Variants in MYO1A observed in about 807,000 individuals in gnomAD.
The protein encoded by MYO1A is unconventional myosin-Ia.
In MYO1A, 127 loss-of-function variants were observed where a neutral mutation model predicts 138.5. That is an observed-to-expected ratio of 0.92 (90% CI 0.79 to 1.06). The LOEUF is 1.06. Among genes scored for constraint, MYO1A ranks in the 50% least tolerant of loss-of-function variants. The pLI, the probability that MYO1A is intolerant of heterozygous loss-of-function variation, is 0.00. For missense variants in MYO1A, 1,211 were observed against 1,288.8 expected, an observed-to-expected ratio of 0.94 and a Z score of 0.92; for synonymous variants, 477 against 497.5, an observed-to-expected ratio of 0.96 and a Z score of 0.55.
chr12:57,038,581 G>A lies in MYO1A; in HGVS notation c.1591C>T (p.Leu531=). The change falls in exon 17 of 28, where the codon CTG becomes TTG. Residue 531 remains leucine, a synonymous_variant. Coordinates refer to ENST00000300119, the MANE Select transcript of MYO1A (RefSeq NM_005379.4). ...TGGGCCTTCCACATGGCCTGCAACA[G>A]GTCTCGGAAGAGTAGGTCATTATTC... is the stretch of plus-strand genomic sequence containing the variant. ...DKNNDLLFRD[L]LQAMWKAQHP... is the part of the protein sequence containing the mutation. 2 of 1,614,206 alleles carry A rather than the reference G, an allele frequency of 1.2e-6. No homozygotes were observed. The highest frequency in any genetic ancestry group is 1.7e-6 in the Non-Finnish European group (2 of 1,180,044).
chr12:57,038,015 C>T lies in MYO1A; in HGVS notation c.1815G>A (p.Val605=). Residue 605 remains valine (V), a synonymous_variant, in exon 18 of 28, where the codon GTG becomes GTA. Transcript: ENST00000300119. ...QQRGQFSSDL[V]ATQARYLGLL... is the part of the protein sequence containing the mutation. ...GTCCCAGGTACCGAGCCTGGGTTGC[C>T]ACCAGGTCTGAAGAGAACTGACCTC... 1 of 1,614,210 alleles carries T rather than the reference C, an allele frequency of 6.2e-7. No individual in the cohort carries two copies. The highest frequency in any genetic ancestry group is 8.5e-7 in the Non-Finnish European group (1 of 1,180,054).
At position 57,036,846 on chromosome 12, in the gene MYO1A, G is replaced by C. The variant is rs914640029; in HGVS notation, c.2206-6C>G. On this transcript the variant is annotated splice_region_variant and splice_polypyrimidine_tract_variant and intron_variant, in intron 20 of 27. Coordinates refer to ENST00000300119, the MANE Select transcript of MYO1A (RefSeq NM_005379.4). ...TTCCCATAGCATTTCTTTTGCTGTA[G>C]AAAACATAGGAGTTGTTAGAAAAAT... The C allele has an allele frequency of 6.2e-7, 1 of 1,614,206 alleles. No individual in the cohort carries two copies. The highest frequency in any genetic ancestry group is 1.3e-5 in the African/African-American group (1 of 75,046).
chr12:57,034,441 G>A (rs917923545), intron 22 of MYO1A, among the ~76,000 whole-genome samples: 1 of 152,104 alleles, frequency 6.6e-6, no homozygotes, highest in Non-Finnish European at 1.5e-5. Flanking sequence ...GGGAGGCCAA[G>A]GCGAGTGAAT....
rs1246734097 is a variant in MYO1A at position 57,038,813 on chromosome 12, C to T, written c.1529G>A (p.Gly510Asp). ...LSCFRICHYA[G>D]KVTYNVTSFI... ...CCTCCAGCCCTGCCATTTCACCTTG[C>T]CCGCATAGTGGCAGATGCGGAAGCA... Residue 510 changes from glycine (G) to aspartate (D), a missense_variant, in exon 16 of 28, where the codon GGC becomes GAC. Transcript: ENST00000300119. 2.5e-6 allele frequency: 4 copies of T among 1,614,192 alleles called. No homozygotes were observed. In the East Asian group the frequency reaches 6.7e-5, roughly 27 times the overall value.
Position 57,048,300 on chromosome 12 carries a change from C to G in MYO1A, c.24G>C (p.Val8=), listed in dbSNP as rs762950072. ...CCAGGAGGACAAGATCCTCCACCCC[C>G]ACAGAACCTTCCAGGAGAGGCATGT... is the stretch of plus-strand genomic sequence containing the variant. The part of the protein sequence containing the change: MPLLEGS[V]GVEDLVLLEP... Residue 8 remains valine (V), a synonymous_variant, in exon 2 of 28, where the codon GTG becomes GTC. Transcript: ENST00000300119. The G allele has an allele frequency of 1.2e-6, 2 of 1,614,162 alleles. No individual in the cohort carries two copies. Among genetic ancestry groups the G allele is most frequent in the East Asian group, 4.5e-5 (2 of 44,876 alleles).
rs1429548295 is a variant in MYO1A at position 57,037,627 on chromosome 12, T to TTC, written c.1974_1975dup (p.Lys659ArgfsTer7). ...GGACATGCTCAGCTCCCCCAGGACC[T>TTC]TCTCAACACCTTCCCTATGGAAGCA... On this transcript the variant is annotated frameshift_variant, in exon 19 of 28. Coordinates refer to ENST00000300119, the MANE Select transcript of MYO1A (RefSeq NM_005379.4). LOFTEE classifies it high-confidence loss of function. 5.6e-6 allele frequency: 9 copies of TTC among 1,614,070 alleles called. No individual in the cohort carries two copies. The highest frequency in any genetic ancestry group is 7.6e-6 in the Non-Finnish European group (9 of 1,180,002).
intron 12 of MYO1A, among the ~76,000 whole-genome samples, chr12:57,042,746 C>T (rs1310402476): frequency 6.6e-6 from 1 of 152,178 alleles, no homozygotes; most frequent in Non-Finnish European, 1.5e-5. Flanking sequence ...GCATGGACCA[C>T]CACACCCAGC....
chr12:57,029,468 G>A lies in MYO1A; in HGVS notation c.2844C>T (p.Leu948=). The change falls in exon 26 of 28, where the codon CTC becomes CTT. Residue 948 remains leucine (L), a synonymous_variant. Coordinates refer to ENST00000300119, the MANE Select transcript of MYO1A (RefSeq NM_005379.4). The part of the protein sequence containing the change: ...DNVAGVSVTS[L]KDGLFSLHLS... The stretch of plus-strand genomic sequence containing the variant: ...GATGCAAGCTAAAGAGCCCATCCTT[G>A]AGGCTGGTGACTGACACCCCAGCCA... 6.2e-7 allele frequency: 1 copy of A among 1,614,170 alleles called. No homozygotes were observed. The highest frequency in any genetic ancestry group is 8.5e-7 in the Non-Finnish European group (1 of 1,180,040).
chr12:57,038,922 G>A lies in MYO1A; in HGVS notation c.1420C>T (p.Gln474Ter). 2 of 1,614,200 alleles carry A rather than the reference G, an allele frequency of 1.2e-6. No homozygotes were observed. The highest frequency in any genetic ancestry group is 1.7e-6 in the Non-Finnish European group (2 of 1,180,040). ...SDSTFLAKLN[Q>*]LFSKHGHYES... ...TAGTGGCCATGCTTGGAGAAGAGCT[G>A]GTTCAGCTTTGCTAGGAAAGTGGAG... is the stretch of plus-strand genomic sequence containing the variant. Residue 474 changes from glutamine to a stop codon, truncating the protein, a stop_gained, in exon 16 of 28, where the codon CAG becomes TAG. Coordinates refer to ENST00000300119, the MANE Select transcript of MYO1A (RefSeq NM_005379.4). LOFTEE classifies it high-confidence loss of function.
rs760325510 is a variant in MYO1A at position 57,038,527 on chromosome 12, C to A, written c.1645G>T (p.Glu549Ter). ...QHPLLRSLFPEGNPKQASLKR... is the reference protein window; with the variant it reads ...QHPLLRSLFP ...AGAGATGCCTGCTTAGGATTGCCCTCAGGAAACAAGGACCGAAGGAGGGGG... is the reference window on the plus strand; with the variant it reads ...AGAGATGCCTGCTTAGGATTGCCCTAAGGAAACAAGGACCGAAGGAGGGGG... The change falls in exon 17 of 28, where the codon GAG becomes TAG. Residue 549 changes from glutamate (E) to a stop codon, truncating the protein, a stop_gained. Transcript: ENST00000300119. LOFTEE classifies it high-confidence loss of function. The A allele has an allele frequency of 1.9e-6, 3 of 1,614,196 alleles. No homozygotes were observed. In the South Asian group the frequency reaches 3.3e-5, roughly 18 times the overall value.
At chr12:57,031,998 C>T (rs2030312070) in intron 22 of MYO1A, among the ~76,000 whole-genome samples, 1 of 152,210 alleles carries the variant, frequency 6.6e-6, no homozygotes, top group African/African-American at 2.4e-5. Context: ...GGGCACACCA[C>T]CCGGACAGGA....
At chr12:57,046,672 A>G in intron 7 of MYO1A, 22 bp from the exon 8 acceptor site, 1 of 1,605,124 alleles carries the variant, frequency 6.2e-7, no homozygotes, top group Non-Finnish European at 8.5e-7. Flanking sequence ...TTAGAAAAAT[A>G]ATATCCTGAG....
rs375515421 is a variant in MYO1A, at chr12:57,039,207, C to A, written c.1332+5G>T. ...AGTCCCACAGATAAGAGAATGACAA[C>A]TCACATGCTCAATGAGCTTACAAAT... On this transcript the variant is annotated splice_donor_5th_base_variant and intron_variant, in intron 15 of 27. Transcript: ENST00000300119. The A allele has an allele frequency of 1.1e-5, 18 of 1,613,556 alleles. No individual in the cohort carries two copies. Among genetic ancestry groups the A allele is most frequent in the Middle Eastern group, 1.6e-4 (1 of 6,084 alleles).
chr12:57,034,980 A>G (rs2030465476), intron 22 of MYO1A, among the ~76,000 whole-genome samples: 1 of 152,144 alleles, frequency 6.6e-6, no homozygotes, highest in African/African-American at 2.4e-5. Context: ...AAATAAATAA[A>G]TAAATAAATA....
Position 57,048,016 on chromosome 12 carries a change from T to C in MYO1A, c.203A>G (p.Tyr68Cys), listed in dbSNP as rs758814967. The stretch of plus-strand genomic sequence containing the variant: ...ATGGGGCTTCAGCTCATAGAAAGTA[T>C]AGTCTTGATATTTGGCAATGAACTC... ...GPEFIAKYQD[Y>C]TFYELKPHIY... is the part of the protein sequence containing the mutation. The change falls in exon 3 of 28, where the codon TAT becomes TGT. Residue 68 changes from tyrosine (Y) to cysteine (C), a missense_variant. Physicochemically the swap from Tyr to Cys is radical, Grantham distance 194. Coordinates refer to ENST00000300119, the MANE Select transcript of MYO1A (RefSeq NM_005379.4). The C allele has an allele frequency of 1.2e-6, 2 of 1,614,092 alleles. No individual in the cohort carries two copies. The highest frequency in any genetic ancestry group is 3.3e-5 in the Admixed American group (2 of 60,026).
At position 57,038,233 on chromosome 12, in the gene MYO1A, C is replaced by T. The variant is rs117611241; in HGVS notation, c.1761-164G>A. Among the ~76,000 whole-genome samples the T allele has an allele frequency of 0.021, 3,133 of 152,352 alleles. 60 individuals are homozygous for T. The highest frequency in any genetic ancestry group is 0.057 in the South Asian group (275 of 4,830). On this transcript the variant is annotated intron_variant, in intron 17 of 27. Transcript: ENST00000300119. Reference sequence around the variant, plus strand: ...TCACTCACTTCTATGTATTCCCTATCGAATCTGATGCTCTCCCCCTGTGGG... The same window carrying T: ...TCACTCACTTCTATGTATTCCCTATTGAATCTGATGCTCTCCCCCTGTGGG...
At position 57,031,127 on chromosome 12, in the gene MYO1A, G is replaced by A. The variant is rs915894224; in HGVS notation, c.2397C>T (p.Asn799=). Residue 799 remains asparagine, a synonymous_variant, in exon 23 of 28, where the codon AAC becomes AAT. Transcript: ENST00000300119. The part of the protein sequence containing the change: ...LGLKNNLPST[N]VLDKTWPAAP... Reference sequence around the variant, plus strand: ...CGGCTGGCCATGTCTTGTCTAAGACGTTTGTGGATGGCAAATTGTTCTTCA... The same window carrying A: ...CGGCTGGCCATGTCTTGTCTAAGACATTTGTGGATGGCAAATTGTTCTTCA... 2.1e-5 allele frequency: 34 copies of A among 1,614,036 alleles called. No homozygotes were observed. Among genetic ancestry groups the A allele is most frequent in the Non-Finnish European group, 2.4e-5 (28 of 1,180,026 alleles).
chr12:57,032,552 G>T (rs549899503), intron 22 of MYO1A, among the ~76,000 whole-genome samples: 1 of 152,284 alleles, frequency 6.6e-6, no homozygotes, highest in East Asian at 1.9e-4. Flanking sequence ...GCATGGTGGC[G>T]CATGCCTGTA....
Position 57,031,032 on chromosome 12 carries a change from C to G in MYO1A, c.2484+8G>C. The G allele has an allele frequency of 1.2e-6, 2 of 1,613,386 alleles. No individual in the cohort carries two copies. Among genetic ancestry groups the G allele is most frequent in the Non-Finnish European group, 1.7e-6 (2 of 1,179,794 alleles). On this transcript the variant is annotated splice_region_variant and intron_variant, in intron 23 of 27. Transcript: ENST00000300119. ...AAATGAGAGGAGGGGTGCCTGGGCTCCACTTGCCTTCCACTGGTAGAAGAG... is the reference window on the plus strand; with the variant it reads ...AAATGAGAGGAGGGGTGCCTGGGCTGCACTTGCCTTCCACTGGTAGAAGAG...
Sources: gnomAD v4.1 joint callset for allele counts (sites outside exome capture counted in the v4.1 genomes callset) on GRCh38, gnomAD v4.1.1 for gene constraint, MANE v1.5 for transcripts, NCBI Gene and HGNC (gene_info 2026-07-23, HGNC 2026-07-21) for gene names.